The following COL14A1 variants were observed in gnomAD, a reference collection of about 807,000 sequenced individuals.
COL14A1 encodes collagen alpha-1(XIV) chain.
A neutral mutation model predicts 230.3 loss-of-function variants in COL14A1; 136 were observed. The ratio of observed to expected loss-of-function variants is 0.59; its 90% CI spans 0.51 to 0.68. COL14A1 has a LOEUF of 0.68. COL14A1 is among the 30% of genes least tolerant of loss of function. The pLI, the probability that COL14A1 is intolerant of heterozygous loss-of-function variation, is 0.00. For missense variants in COL14A1, 1,976 were observed against 2,215.8 expected (o/e 0.89, Z 2.17); for synonymous variants, 792 against 784.1 (o/e 1.01, Z -0.17).
intron 5 of COL14A1, among the ~76,000 whole-genome samples, chr8:120,184,427 G>T (rs776586559): frequency 2.3e-4 from 35 of 151,940 alleles, no homozygotes; most frequent in Admixed American, 5.2e-4. Context: ...GCTAATTTTT[G>T]TATTTTTAGT....
At chr8:120,166,114 T>A (rs1023232435) in intron 4 of COL14A1, among the ~76,000 whole-genome samples, 1 of 151,962 alleles carries the variant, frequency 6.6e-6, no homozygotes, top group Non-Finnish European at 1.5e-5. Flanking sequence ...TAGAAATAGA[T>A]CTAGGAGAGA....
chr8:120,215,354 G>A (rs976166509), intron 13 of COL14A1, among the ~76,000 whole-genome samples: 1 of 151,782 alleles, frequency 6.6e-6, no homozygotes, highest in Non-Finnish European at 1.5e-5. Flanking sequence ...CTGGATGACA[G>A]AGTGAGACTC....
chr8:120,194,004 G>A (rs1282852451), intron 5 of COL14A1, among the ~76,000 whole-genome samples: 11 of 152,120 alleles, frequency 7.2e-5, no homozygotes, highest in Admixed American at 7.2e-4. Context: ...GCGCTTCCCG[G>A]GTGAGGCAAT....
chr8:120,318,773 C>T (rs139704729), intron 40 of COL14A1, among the ~76,000 whole-genome samples: 12 of 152,222 alleles, frequency 7.9e-5, no homozygotes, highest in East Asian at 5.8e-4. Context: ...CAATAACAAC[C>T]GTGGCATAGA....
At chr8:120,367,056 C>T (rs541694189) in intron 45 of COL14A1, 115 bp from the exon 46 acceptor site, 23 of 723,788 alleles carry the variant, frequency 3.2e-5, no homozygotes, top group African/African-American at 1.3e-4. Flanking sequence ...TAACCCCAAA[C>T]GAACCCACTT....
intron 45 of COL14A1, among the ~76,000 whole-genome samples, chr8:120,365,569 G>A (rs1388336882): frequency 2.6e-5 from 4 of 152,182 alleles, no homozygotes; most frequent in Non-Finnish European, 5.9e-5. Context: ...ATGCCCAGTA[G>A]GCTTCCACAG....
chr8:120,372,908 C>T lies in COL14A1; in HGVS notation c.*1677C>T, dbSNP rs1043543946. Among the ~76,000 whole-genome samples the T allele has an allele frequency of 1.3e-5, 2 of 152,118 alleles. No homozygotes were observed. Among genetic ancestry groups the T allele is most frequent in the African/African-American group, 4.8e-5 (2 of 41,420 alleles). Reference sequence around the variant, plus strand: ...AAGAAGATAATGAGCAGATAATCAGCAGCCATTTCCTTTCAGTTATGGTAT... The same window carrying T: ...AAGAAGATAATGAGCAGATAATCAGTAGCCATTTCCTTTCAGTTATGGTAT... On this transcript the variant is annotated 3_prime_UTR_variant, in exon 48 of 48. Transcript: ENST00000297848.
intron 19 of COL14A1, among the ~76,000 whole-genome samples, chr8:120,236,178 TTC>T (rs906414248): frequency 2.0e-5 from 3 of 152,208 alleles, no homozygotes; most frequent in Non-Finnish European, 2.9e-5. Flanking sequence ...CTTGGTAATT[TTC>T]TGTCTCATTT....
intron 15 of COL14A1, among the ~76,000 whole-genome samples, chr8:120,225,709 A>G (rs1030823466): frequency 6.6e-6 from 1 of 152,174 alleles, no homozygotes; most frequent in Non-Finnish European, 1.5e-5. Flanking sequence ...ATTAAATATA[A>G]GACATGAATA....
At chr8:120,263,286 A>C (rs146903915) in intron 24 of COL14A1, among the ~76,000 whole-genome samples, 1 of 152,322 alleles carries the variant, frequency 6.6e-6, no homozygotes, top group East Asian at 1.9e-4. Context: ...AATGACTTAC[A>C]TTGTGATCCA....
chr8:120,179,340 G>A (rs940870354), intron 5 of COL14A1, among the ~76,000 whole-genome samples: 14 of 152,162 alleles, frequency 9.2e-5, no homozygotes, highest in African/African-American at 3.1e-4. Flanking sequence ...CTTCAACAAA[G>A]TCTCAAGATA....
intron 12 of COL14A1, among the ~76,000 whole-genome samples, chr8:120,210,150 G>A (rs1817577908): frequency 6.6e-6 from 1 of 152,056 alleles, no homozygotes; most frequent in African/African-American, 2.4e-5. Flanking sequence ...TATTTGTTGT[G>A]AAGCTCTTTC....
intron 19 of COL14A1, among the ~76,000 whole-genome samples, chr8:120,242,553 TG>T (rs974578795): frequency 6.6e-6 from 1 of 152,016 alleles, no homozygotes; most frequent in African/African-American, 2.4e-5. Context: ...GAAGCTATGT[TG>T]GTGGAGTAAT....
chr8:120,201,830 C>T (rs1489532776), intron 8 of COL14A1, among the ~76,000 whole-genome samples: 1 of 152,136 alleles, frequency 6.6e-6, no homozygotes, highest in African/African-American at 2.4e-5. Context: ...AAACAAATTC[C>T]TCCAAAGTCG....
chr8:120,159,897 G>A (rs1815605022), intron 3 of COL14A1, among the ~76,000 whole-genome samples: 1 of 152,048 alleles, frequency 6.6e-6, no homozygotes, highest in Admixed American at 6.6e-5. Flanking sequence ...TCACCATGTT[G>A]GCCAGACTAG....
intron 5 of COL14A1, among the ~76,000 whole-genome samples, chr8:120,195,498 T>C (rs1817004804): frequency 6.6e-6 from 1 of 152,114 alleles, no homozygotes; most frequent in Non-Finnish European, 1.5e-5. Flanking sequence ...CGATCGGTAC[T>C]AAAAGTATTG....
chr8:120,212,160 T>C (rs909955555), intron 12 of COL14A1, among the ~76,000 whole-genome samples: 3 of 152,228 alleles, frequency 2.0e-5, no homozygotes, highest in Non-Finnish European at 4.4e-5. Context: ...CTGGGGAGCA[T>C]ATACTCAACA....
At chr8:120,273,725 C>T (rs1819747714) in intron 26 of COL14A1, among the ~76,000 whole-genome samples, 1 of 151,362 alleles carries the variant, frequency 6.6e-6, no homozygotes, top group Non-Finnish European at 1.5e-5. Flanking sequence ...CAACAACCCC[C>T]CTAGATTAAA....
chr8:120,315,807 T>A (rs1821204329), intron 39 of COL14A1, 137 bp from the exon 40 acceptor site: 5 of 939,402 alleles, frequency 5.3e-6, no homozygotes, highest in Middle Eastern at 6.4e-4. Context: ...AACTTCTAAG[T>A]CTGAATTCTA....
Sources: allele counts gnomAD v4.1 joint callset (sites outside exome capture counted in the v4.1 genomes callset), GRCh38; gene constraint gnomAD v4.1.1; transcripts MANE v1.5; gene names NCBI Gene and HGNC (gene_info 2026-07-23, HGNC 2026-07-21).